Variants in PRRG1 observed in about 807,000 individuals in gnomAD.
PRRG1 encodes the protein transmembrane gamma-carboxyglutamic acid protein 1.
PRRG1 carries 5 observed loss-of-function variants against 11.8 expected under a neutral mutation model. The ratio of observed to expected loss-of-function variants is 0.42; its 90% CI spans 0.22 to 0.89. The LOEUF (loss-of-function observed/expected upper bound fraction) is 0.89. Among genes scored for constraint, PRRG1 ranks in the 40% least tolerant of loss-of-function variants. The pLI, the probability that PRRG1 is intolerant of heterozygous loss-of-function variation, is 0.28. For missense variants in PRRG1, 155 were observed against 166.1 expected (o/e 0.93, Z 0.37); for synonymous variants, 66 against 60.4 (o/e 1.09, Z -0.43).
In PRRG1 at chrX:37,453,204, G is replaced by A. The variant is rs143734359; in HGVS notation, c.240G>A (p.Gln80=). The change falls in exon 4 of 4, where the codon CAG becomes CAA. Residue 80 remains glutamine (Q), a synonymous_variant. Transcript: ENST00000378628. The stretch of plus-strand genomic sequence containing the variant: ...GTAACCGAGGAAGTGACTGGTTTCA[G>A]TTTTACCTTACCTTTCCGTTAATCT... ...GESNRGSDWF[Q]FYLTFPLIFG... 4.0e-4 allele frequency: 488 copies of A among 1,208,146 alleles called. No homozygotes were observed. The highest frequency in any genetic ancestry group is 5.2e-4 in the Non-Finnish European group (465 of 893,879).
At chrX:37,422,075 G>C (rs1373660203) in intron 2 of PRRG1, among the ~76,000 whole-genome samples, 2 of 111,744 alleles carry the variant, frequency 1.8e-5, no homozygotes, top group Non-Finnish European at 3.8e-5. Context: ...GTGTCCTGCT[G>C]TATTACCTTC....
intron 2 of PRRG1, among the ~76,000 whole-genome samples, chrX:37,424,314 G>A (rs1408827198): frequency 9.0e-6 from 1 of 111,120 alleles, no homozygotes; most frequent in African/African-American, 3.3e-5. Flanking sequence ...AGCAGCAGCA[G>A]CATTTCCTGG....
Position 37,416,307 on chromosome X carries a change from C to T in PRRG1, c.11-9533C>T, listed in dbSNP as rs1282948062. ...TACAACTATCACATAGAATACCTAT[C>T]CTACAGTCTATGCTGATGAGTTGTA... is the stretch of plus-strand genomic sequence containing the variant. On this transcript the variant is annotated intron_variant, in intron 2 of 3. Transcript: ENST00000378628. Among the ~76,000 whole-genome samples the T allele has an allele frequency of 2.7e-5, 3 of 112,021 alleles. No homozygotes were observed. In the Admixed American group the frequency reaches 2.8e-4, roughly 11 times the overall value.
At chrX:37,387,634 C>T (rs947643584) in intron 1 of PRRG1, among the ~76,000 whole-genome samples, 1 of 111,123 alleles carries the variant, frequency 9.0e-6, no homozygotes, top group African/African-American at 3.3e-5. Flanking sequence ...GGTGCTAAAC[C>T]GTTCATGAGA....
rs1251475167 is a variant in PRRG1 at position 37,457,054 on chromosome X, G to A, written c.*3433G>A. On this transcript the variant is annotated 3_prime_UTR_variant, in exon 4 of 4. Coordinates refer to ENST00000378628, the MANE Select transcript of PRRG1 (RefSeq NM_001142395.2). ...ATTGACCAGTACAGATAGATATGTTGTGTTTGCTTCATTTTTAATGATGAC... is the reference window on the plus strand; with the variant it reads ...ATTGACCAGTACAGATAGATATGTTATGTTTGCTTCATTTTTAATGATGAC... 8.9e-6 allele frequency: 1 copy of A among 112,247 alleles called. No individual in the cohort carries two copies. Among genetic ancestry groups the A allele is most frequent in the African/African-American group, 3.2e-5 (1 of 30,933 alleles). 9.3% of individuals were successfully genotyped at this position (112,247 alleles called of 1,213,427 possible).
intron 3 of PRRG1, among the ~76,000 whole-genome samples, chrX:37,443,553 A>G (rs1556394463): frequency 9.0e-6 from 1 of 111,667 alleles, no homozygotes; most frequent in Non-Finnish European, 1.9e-5. Context: ...GGTATAGTTG[A>G]GATGTTTGAA....
rs1350012774 is a variant in PRRG1, at chrX:37,453,438, C to T, written c.474C>T (p.Ser158=). ...GATATGTAGTTGGGCGCTCAGATTCCGTCTCTACTCGCCTGTCCAATTGTG... is the reference window on the plus strand; with the variant it reads ...GATATGTAGTTGGGCGCTCAGATTCTGTCTCTACTCGCCTGTCCAATTGTG... ...FLGYVVGRSD[S]VSTRLSNCDP... is the part of the protein sequence containing the mutation. The change falls in exon 4 of 4, where the codon TCC becomes TCT. Residue 158 remains serine, a synonymous_variant. Transcript: ENST00000378628. 1.7e-5 allele frequency: 21 copies of T among 1,206,299 alleles called. No individual in the cohort carries two copies. Among genetic ancestry groups the T allele is most frequent in the South Asian group, 3.5e-5 (2 of 56,551 alleles).
At chrX:37,398,830 G>A (rs201907298) in intron 1 of PRRG1, among the ~76,000 whole-genome samples, 31,565 of 109,641 alleles carry the variant, frequency 0.29, 6,976 homozygotes, top group African/African-American at 0.76. Context: ...ACTACGTGAA[G>A]AATGCAGAAG....
chrX:37,379,543 A>G (rs951502716), intron 1 of PRRG1, among the ~76,000 whole-genome samples: 6 of 111,479 alleles, frequency 5.4e-5, no homozygotes, highest in Non-Finnish European at 7.6e-5. Context: ...ATAAGGAACT[A>G]TGAAGTCACA....
chrX:37,401,642 A>C (rs1255938998), intron 1 of PRRG1, among the ~76,000 whole-genome samples: 1 of 111,230 alleles, frequency 9.0e-6, no homozygotes, highest in Non-Finnish European at 1.9e-5. Flanking sequence ...CAGTGCAATT[A>C]GGCAGGAGAA....
chrX:37,352,827 T>A (rs1930113440), intron 1 of PRRG1, among the ~76,000 whole-genome samples: 1 of 111,861 alleles, frequency 8.9e-6, no homozygotes, highest in South Asian at 3.7e-4. Flanking sequence ...AATGACATTT[T>A]GGTCAACTAT....
intron 2 of PRRG1, among the ~76,000 whole-genome samples, chrX:37,419,452 A>G (rs781798618): frequency 1.2e-4 from 14 of 112,197 alleles, no homozygotes; most frequent in Non-Finnish European, 2.6e-4. Context: ...GAAATTTTAA[A>G]ATCTCATGAT....
intron 1 of PRRG1, among the ~76,000 whole-genome samples, chrX:37,357,399 A>G (rs1325663148): frequency 8.9e-6 from 1 of 112,070 alleles, no homozygotes; most frequent in East Asian, 2.8e-4. Flanking sequence ...TAGATTTTCA[A>G]TTCATTTGAA....
intron 1 of PRRG1, among the ~76,000 whole-genome samples, chrX:37,389,155 C>T (rs890459500): frequency 1.3e-4 from 14 of 111,493 alleles, no homozygotes; most frequent in Non-Finnish European, 2.6e-4. Context: ...GAGACCTCTT[C>T]GGCCTGGCCT....
intron 1 of PRRG1, among the ~76,000 whole-genome samples, chrX:37,405,738 G>C (rs1399853026): frequency 9.0e-6 from 1 of 111,506 alleles, no homozygotes; most frequent in Non-Finnish European, 1.9e-5. Context: ...TAGGGATGCT[G>C]TTGTTTTACA....
intron 1 of PRRG1, among the ~76,000 whole-genome samples, chrX:37,385,603 T>A (rs1476739820): frequency 1.5e-4 from 17 of 110,941 alleles, no homozygotes; most frequent in African/African-American, 5.6e-4. Context: ...AATAAACATT[T>A]GTTATCTCAC....
At chrX:37,390,129 C>T (rs1217242827) in intron 1 of PRRG1, among the ~76,000 whole-genome samples, 4 of 111,636 alleles carry the variant, frequency 3.6e-5, no homozygotes, top group Non-Finnish European at 7.5e-5. Flanking sequence ...ATGGTACCAC[C>T]TTATTGCTGT....
chrX:37,367,780 G>A (rs782082698), intron 1 of PRRG1, among the ~76,000 whole-genome samples: 4 of 112,228 alleles, frequency 3.6e-5, no homozygotes, highest in South Asian at 7.4e-4. Flanking sequence ...ATGCTCTTGC[G>A]CTCTTCTTCA....
At chrX:37,384,760 C>T (rs1471539662) in intron 1 of PRRG1, among the ~76,000 whole-genome samples, 2 of 111,382 alleles carry the variant, frequency 1.8e-5, no homozygotes, top group African/African-American at 6.5e-5. Flanking sequence ...ATACCATTAC[C>T]CCCTCAAGAG....
Sources: allele counts gnomAD v4.1 joint callset (sites outside exome capture counted in the v4.1 genomes callset), GRCh38; gene constraint gnomAD v4.1.1; transcripts MANE v1.5; gene names NCBI Gene and HGNC (gene_info 2026-07-23, HGNC 2026-07-21).